Variants in KCNC3 observed in about 807,000 individuals in gnomAD.
KCNC3 encodes the protein potassium voltage-gated channel subfamily C member 3.
In KCNC3, 22 loss-of-function variants were observed where a neutral mutation model predicts 43.9. The observed-to-expected ratio is 0.50, with a 90% CI of 0.36 to 0.72. KCNC3 has a LOEUF of 0.72. Ranked by LOEUF, KCNC3 falls within the 30% of genes least tolerant of loss-of-function variation. KCNC3 has a pLI of 0.00. For missense variants in KCNC3, 829 were observed against 1,073.8 expected (o/e 0.77, Z 3.19); for synonymous variants, 492 against 488.0 (o/e 1.01, Z -0.11).
At chr19:50,320,819 G>A (rs1601095827) in intron 2 of KCNC3, 35 bp from the exon 3 acceptor site, 2 of 1,606,254 alleles carry the variant, frequency 1.2e-6, no homozygotes, top group Non-Finnish European at 1.7e-6. Flanking sequence ...AGAGACAAAG[G>A]AGAGAGTGAG....
At position 50,324,192 on chromosome 19, in the gene KCNC3, ACT is replaced by A. The variant is rs2037074467; in HGVS notation, c.871-112_871-111del. The A allele has an allele frequency of 9.1e-7, 1 of 1,095,002 alleles. No homozygotes were observed. Among genetic ancestry groups the A allele is most frequent in the South Asian group, 1.6e-5 (1 of 61,088 alleles). The allele number at this position is 1,095,002 out of a possible 1,614,324, so 67.8% of individuals were successfully genotyped here. ...CCCTTCCCCAGCCTCCTGGGCCCAA[ACT>A]CTGGGCAAAATCCAGGTGTCTCAGC... On this transcript the variant is annotated intron_variant, in intron 1 of 4. Transcript: ENST00000477616. The surrounding 1 kb of genome is among the most constrained non-coding windows in gnomAD (Gnocchi z 4.1).
rs2123547025 is a variant in KCNC3, at chr19:50,328,833, CGCCGCCGCCGTGCCGCCCCATG to C, written c.228_249del (p.Met77ValfsTer8). On this transcript the variant is annotated frameshift_variant, in exon 1 of 5. Transcript: ENST00000477616. LOFTEE classifies it high-confidence loss of function. ...ATCACGATCTTGCCGCTGTCGCCAC[CGCCGCCGCCGTGCCGCCCCATG>C]GCCGCCGCCGGCAGCCCGGGGCATG... 1 of 1,487,742 alleles carries C rather than the reference CGCCGCCGCCGTGCCGCCCCATG, an allele frequency of 6.7e-7. No homozygotes were observed. The highest frequency in any genetic ancestry group is 8.9e-7 in the Non-Finnish European group (1 of 1,123,470). 92.2% of individuals were successfully genotyped at this position (1,487,742 alleles called of 1,614,324 possible).
Position 50,328,335 on chromosome 19 carries a change from C to G in KCNC3, c.748G>C (p.Ala250Pro). The change falls in exon 1 of 5, where the codon GCG (alanine) becomes CCG (proline). Residue 250 changes from alanine (A) to proline (P), a missense_variant. Physicochemically the swap from Ala to Pro is conservative, Grantham distance 27 (BLOSUM62 -1). Transcript: ENST00000477616. ...GELKRLCFQD[A>P]GGGAGGPPGG... ...GGCGGCCCCCCGGCGCCGCCGCCCG[C>G]GTCCTGGAAGCAGAGGCGCTTGAGC... The G allele has an allele frequency of 8.7e-7, 1 of 1,150,138 alleles. No homozygotes were observed. The highest frequency in any genetic ancestry group is 4.0e-5 in the South Asian group (1 of 24,786). 71.2% of individuals were successfully genotyped at this position (1,150,138 alleles called of 1,614,324 possible).
At chr19:50,327,215 G>A (rs562989888) in intron 1 of KCNC3, among the ~76,000 whole-genome samples, 1 of 152,234 alleles carries the variant, frequency 6.6e-6, no homozygotes, top group South Asian at 2.1e-4. Flanking sequence ...CAATTCTGGA[G>A]GACATGTGAG....
At chr19:50,330,704 A>G (rs2037177627), upstream of KCNC3, among the ~76,000 whole-genome samples, 1 of 152,134 alleles carries the variant, frequency 6.6e-6, no homozygotes, top group African/African-American at 2.4e-5. Flanking sequence ...AGCACCGTCA[A>G]GACTGAGGCA....
Position 50,322,154 on chromosome 19 carries a change from G to T in KCNC3, c.1978+821C>A, listed in dbSNP as rs538818731. The stretch of plus-strand genomic sequence containing the variant: ...ACCTACTTAAGGCGGGGCAGTGCAG[G>T]GGGGGGCCACCAGCCTCTCCTTCCT... On this transcript the variant is annotated intron_variant, in intron 2 of 4. Coordinates refer to ENST00000477616, the MANE Select transcript of KCNC3 (RefSeq NM_004977.3). Among the ~76,000 whole-genome samples, 149 of 152,118 alleles carry T rather than the reference G, an allele frequency of 9.8e-4. 1 individual carries two copies. The highest frequency in any genetic ancestry group is 3.4e-3 in the Middle Eastern group (1 of 292).
Position 50,313,151 on chromosome 19 carries a change from C to G in KCNC3, c.*2964G>C, listed in dbSNP as rs1311735596. 1 of 152,086 alleles carries G rather than the reference C, an allele frequency of 6.6e-6. No homozygotes were observed. Among genetic ancestry groups the G allele is most frequent in the Non-Finnish European group, 1.5e-5 (1 of 68,008 alleles). 9.4% of individuals were successfully genotyped at this position (152,086 alleles called of 1,614,324 possible). ...TCTGGGCTTGGGGGAGGTAGCGCAT[C>G]CTTGAGCCAGGATAGGAGGTGGGAA... On this transcript the variant is annotated 3_prime_UTR_variant, in exon 5 of 5. Coordinates refer to ENST00000477616, the MANE Select transcript of KCNC3 (RefSeq NM_004977.3).
upstream of KCNC3, among the ~76,000 whole-genome samples, chr19:50,332,412 G>A (rs115307527): frequency 0.016 from 2,395 of 152,254 alleles, 59 homozygotes; most frequent in African/African-American, 0.052. This position sits in a 1 kb window ranked among gnomAD's most constrained non-coding sequence, Gnocchi z 5.8. Context: ...AGGAATGTGC[G>A]ATGCGACTCA....
chr19:50,316,802 T>TG (rs1001454289), intron 4 of KCNC3, among the ~76,000 whole-genome samples: 1 of 121,320 alleles, frequency 8.2e-6, no homozygotes, highest in Non-Finnish European at 1.7e-5. Context: ...GGAAGGAGCA[T>TG]GGGGGGCAAT....
chr19:50,322,615 C>A (rs1313616263), intron 2 of KCNC3, among the ~76,000 whole-genome samples: 1 of 152,120 alleles, frequency 6.6e-6, no homozygotes, highest in Admixed American at 6.5e-5. Context: ...GATGCTGCTA[C>A]GTTCCCTGGG....
At chr19:50,322,827 CCTT>C in intron 2 of KCNC3, 145 bp downstream of exon 2, 2 of 717,148 alleles carry the variant, frequency 2.8e-6, no homozygotes, top group South Asian at 3.8e-5. Flanking sequence ...ATCTGTGCCT[CCTT>C]CTTCGCCTGA....
At chr19:50,327,612 G>C (rs1021343402) in intron 1 of KCNC3, among the ~76,000 whole-genome samples, 1 of 152,110 alleles carries the variant, frequency 6.6e-6, no homozygotes, top group Non-Finnish European at 1.5e-5. Context: ...GGTCTTCTGG[G>C]AGACGGGCCA....
chr19:50,323,447 C>T lies in KCNC3; in HGVS notation c.1506G>A (p.Thr502=), dbSNP rs748358851. ...GGTACATGTCTCCATAGCCCAGGGT[C>T]GTCATGGTGACCACAGCCCACCAGA... ...IGFWWAVVTM[T]TLGYGDMYPK... The change falls in exon 2 of 5, where the codon ACG becomes ACA. Residue 502 remains threonine, a synonymous_variant. Transcript: ENST00000477616. 1.7e-5 allele frequency: 27 copies of T among 1,614,084 alleles called. No homozygotes were observed. The highest frequency in any genetic ancestry group is 2.1e-5 in the Non-Finnish European group (25 of 1,180,050).
rs565345224 is a variant in KCNC3, at chr19:50,315,292, G to C, written c.*823C>G. Among the ~76,000 whole-genome samples the C allele has an allele frequency of 1.3e-5, 2 of 151,798 alleles. No homozygotes were observed. The highest frequency in any genetic ancestry group is 6.6e-5 in the Admixed American group (1 of 15,266). On this transcript the variant is annotated 3_prime_UTR_variant, in exon 5 of 5. Transcript: ENST00000477616. ...TGAGAAAGGGGGAGACATCGGGGAG[G>C]GGGGAGAGACTCCGGATTAGGAGGC...
In KCNC3 at chr19:50,312,782, G is replaced by A. The variant is rs1254007754; in HGVS notation, c.*3333C>T. The A allele has an allele frequency of 6.6e-6, 1 of 152,116 alleles. No homozygotes were observed. Among genetic ancestry groups the A allele is most frequent in the Non-Finnish European group, 1.5e-5 (1 of 68,058 alleles). 9.4% of individuals were successfully genotyped at this position (152,116 alleles called of 1,614,324 possible). Reference sequence around the variant, plus strand: ...GCTTTCGTGAAGGTCAGGGGAAACGGGGGGGCTTGTTAAAGAAGTTGAACC... The same window carrying A: ...GCTTTCGTGAAGGTCAGGGGAAACGAGGGGGCTTGTTAAAGAAGTTGAACC... On this transcript the variant is annotated 3_prime_UTR_variant, in exon 5 of 5. Coordinates refer to ENST00000477616, the MANE Select transcript of KCNC3 (RefSeq NM_004977.3).
At chr19:50,317,238 T>G (rs2036968642) in intron 4 of KCNC3, among the ~76,000 whole-genome samples, 1 of 150,572 alleles carries the variant, frequency 6.6e-6, no homozygotes, top group Non-Finnish European at 1.5e-5. Flanking sequence ...GTGGGGGGGA[T>G]GGAACAAGAG....
At chr19:50,330,977 C>G (rs377449897), upstream of KCNC3, among the ~76,000 whole-genome samples, 6 of 152,128 alleles carry the variant, frequency 3.9e-5, no homozygotes, top group South Asian at 1.2e-3. Context: ...CTGCGGGCGC[C>G]CTCGGGCAGC....
At chr19:50,325,590 C>G (rs1432529522) in intron 1 of KCNC3, among the ~76,000 whole-genome samples, 1 of 152,168 alleles carries the variant, frequency 6.6e-6, no homozygotes, top group Non-Finnish European at 1.5e-5. Context: ...TGAACTCCCC[C>G]CCCACCCCCA....
upstream of KCNC3, chr19:50,329,918 T>G (rs1245397556): frequency 6.6e-6 from 1 of 152,162 alleles, no homozygotes; most frequent in Non-Finnish European, 1.5e-5. Context: ...GCCCGGAGAA[T>G]GAGTGTCCGG....
Sources: allele counts gnomAD v4.1 joint callset (sites outside exome capture counted in the v4.1 genomes callset), GRCh38; gene constraint gnomAD v4.1.1; non-coding constraint Gnocchi (gnomAD v3.1); transcripts MANE v1.5; gene names NCBI Gene and HGNC (gene_info 2026-07-23, HGNC 2026-07-21).